Variants in METTL15 observed in about 807,000 individuals in gnomAD.
METTL15 encodes methyltransferase 15, mitochondrial 12S rRNA N4-cytidine, also known as 12S rRNA N(4)-cytidine methyltransferase METTL15.
METTL15 carries 34 observed loss-of-function variants against 38.3 expected under a neutral mutation model. The observed-to-expected ratio is 0.89, with a 90% CI of 0.68 to 1.18. The LOEUF is 1.18. Among genes scored for constraint, METTL15 ranks in the 50% most tolerant of loss-of-function variants. The pLI, the probability that METTL15 is intolerant of heterozygous loss-of-function variation, is 0.00. For synonymous variants in METTL15, 162 were observed against 170.9 expected (o/e 0.95, Z 0.41); for missense variants, 438 against 498.4 (o/e 0.88, Z 1.15).
intron 4 of METTL15, among the ~76,000 whole-genome samples, chr11:28,263,887 C>T (rs970719951): frequency 6.6e-6 from 1 of 151,882 alleles, no homozygotes; most frequent in Admixed American, 6.6e-5. Context: ...TTGCTATGAA[C>T]GTAACTTATT....
intron 4 of METTL15, among the ~76,000 whole-genome samples, chr11:28,269,312 A>G (rs1340907116): frequency 6.6e-6 from 1 of 152,068 alleles, no homozygotes; most frequent in African/African-American, 2.4e-5. Context: ...GCAATTATAT[A>G]TATATAAAAA....
At chr11:28,480,066 C>T (rs1851382733) in intron 6 of METTL15, among the ~76,000 whole-genome samples, 1 of 152,150 alleles carries the variant, frequency 6.6e-6, no homozygotes, top group South Asian at 2.1e-4. Context: ...ACTCATTTGT[C>T]AGTGTTGTAT....
At chr11:28,330,320 A>C in intron 6 of METTL15, 76 bp from the exon 7 acceptor site, 1 of 1,312,060 alleles carries the variant, frequency 7.6e-7, no homozygotes. Flanking sequence ...ACACAACTAC[A>C]CAATTCATTA....
intron 6 of METTL15, among the ~76,000 whole-genome samples, 194 bp from the exon 7 acceptor site, chr11:28,330,202 T>C (rs1476369986): frequency 1.4e-4 from 21 of 152,188 alleles, no homozygotes; most frequent in Admixed American, 1.4e-3. Context: ...TGAAAGGTTT[T>C]TTTGCCACAT....
chr11:28,343,249 C>A (rs1303238004), intron 3 of METTL15, among the ~76,000 whole-genome samples: 1 of 151,074 alleles, frequency 6.6e-6, no homozygotes, highest in Non-Finnish European at 1.5e-5. Context: ...GAACATTGAA[C>A]CTATCTAGTT....
intron 3 of METTL15, among the ~76,000 whole-genome samples, chr11:28,151,707 G>A (rs1850095881): frequency 6.6e-6 from 1 of 151,956 alleles, no homozygotes. Flanking sequence ...AAACTATGGA[G>A]GGTTCATACC....
intron 4 of METTL15, among the ~76,000 whole-genome samples, chr11:28,218,039 G>T (rs1488068713): frequency 2.0e-5 from 3 of 152,176 alleles, no homozygotes; most frequent in East Asian, 3.9e-4. Context: ...TTGGCGATGT[G>T]GGCTCTTTTT....
chr11:28,461,695 A>G (rs1036697272), intron 6 of METTL15, among the ~76,000 whole-genome samples: 3 of 152,208 alleles, frequency 2.0e-5, no homozygotes, highest in East Asian at 3.9e-4. Context: ...CTCATCAGTT[A>G]TTAATTCTAA....
At chr11:28,127,578 A>G (rs1047260835) in intron 3 of METTL15, among the ~76,000 whole-genome samples, 2 of 152,144 alleles carry the variant, frequency 1.3e-5, no homozygotes, top group African/African-American at 4.8e-5. Context: ...GCTATTGTTA[A>G]TCATATTTAA....
chr11:28,173,144 TAAAA>T (rs1236165670), intron 3 of METTL15, among the ~76,000 whole-genome samples: 1 of 152,044 alleles, frequency 6.6e-6, no homozygotes, highest in Non-Finnish European at 1.5e-5. Context: ...GTTCAAGAAT[TAAAA>T]AAAACTTGTA....
chr11:28,269,317 TA>T (rs1369594046), intron 4 of METTL15, among the ~76,000 whole-genome samples: 1 of 152,046 alleles, frequency 6.6e-6, no homozygotes, highest in South Asian at 2.1e-4. Context: ...TATATATATA[TA>T]AAAAACATGA....
At chr11:28,118,343 G>A (rs1441390153) in intron 3 of METTL15, among the ~76,000 whole-genome samples, 1 of 152,016 alleles carries the variant, frequency 6.6e-6, no homozygotes, top group Non-Finnish European at 1.5e-5. Flanking sequence ...TTAATTATGA[G>A]AAAAATATCC....
intron 5 of METTL15, among the ~76,000 whole-genome samples, chr11:28,383,658 C>G (rs532020536): frequency 6.6e-6 from 1 of 152,178 alleles, no homozygotes; most frequent in African/African-American, 2.4e-5. Flanking sequence ...AGTAGCCATT[C>G]TGACTAGTGT....
chr11:28,517,879 G>C lies in METTL15; in HGVS notation c.*425-8599G>C, dbSNP rs183129993. 3.1e-3 allele frequency among the ~76,000 whole-genome samples: 476 copies of C among 152,280 alleles called. 2 individuals carry two copies. The highest frequency in any genetic ancestry group is 0.011 in the African/African-American group (465 of 41,570). On this transcript the variant is annotated intron_variant and NMD_transcript_variant, in intron 6 of 7. Coordinates refer to the METTL15 transcript ENST00000532947. ...AATGGTCCTTCTGCCTACCTTCAAA[G>C]GACAAGATGAGGCATGGGCCTTGTT...
At chr11:28,380,030 T>C (rs1344104918) in intron 5 of METTL15, among the ~76,000 whole-genome samples, 1 of 152,072 alleles carries the variant, frequency 6.6e-6, no homozygotes, top group African/African-American at 2.4e-5. Context: ...CTATTCCTGC[T>C]CTTTTTTTGG....
At chr11:28,175,202 G>GT (rs1240295989) in intron 3 of METTL15, among the ~76,000 whole-genome samples, 7 of 151,894 alleles carry the variant, frequency 4.6e-5, no homozygotes, top group African/African-American at 1.7e-4. Context: ...GCGGTGTTTG[G>GT]TTTTTTGTCC....
rs952344951 is a variant in METTL15 at position 28,512,854 on chromosome 11, C to T, written c.*425-13624C>T. ...GCCCAGGCAGAGGAGGCACTGAGAACGAGCAAGGGCTGCGAGGGCTGCCAG... is the reference window on the plus strand; with the variant it reads ...GCCCAGGCAGAGGAGGCACTGAGAATGAGCAAGGGCTGCGAGGGCTGCCAG... On this transcript the variant is annotated intron_variant and NMD_transcript_variant, in intron 6 of 7. Transcript: ENST00000532947. 1.8e-4 allele frequency among the ~76,000 whole-genome samples: 28 copies of T among 152,324 alleles called. 1 individual carries two copies. The highest frequency in any genetic ancestry group is 7.2e-4 in the Admixed American group (11 of 15,304).
chr11:28,361,288 T>C (rs941143844), intron 4 of METTL15, among the ~76,000 whole-genome samples: 3 of 151,240 alleles, frequency 2.0e-5, no homozygotes, highest in South Asian at 2.1e-4. Flanking sequence ...AGTGTAAAAG[T>C]GTTCCTATTT....
At chr11:28,150,692 C>T (rs150354547) in intron 3 of METTL15, among the ~76,000 whole-genome samples, 14 of 151,916 alleles carry the variant, frequency 9.2e-5, no homozygotes, top group East Asian at 7.7e-4. Flanking sequence ...TTGTTGCTCT[C>T]GCCTTCTAGT....
Sources: allele counts gnomAD v4.1 joint callset (sites outside exome capture counted in the v4.1 genomes callset), GRCh38; gene constraint gnomAD v4.1.1; transcripts MANE v1.5; gene names NCBI Gene and HGNC (gene_info 2026-07-23, HGNC 2026-07-21).